INSYN2B: variants seen among roughly 807,000 people sequenced by gnomAD.
The protein encoded by INSYN2B is inhibitory synaptic factor family member 2B.
Under a neutral mutation model 41.2 loss-of-function variants are expected in INSYN2B, and 16 were observed. That is an observed-to-expected ratio of 0.39 (90% CI 0.26 to 0.59). The LOEUF is 0.59. Among genes scored for constraint, INSYN2B ranks in the 20% least tolerant of loss-of-function variants. The pLI, the probability that INSYN2B is intolerant of heterozygous loss-of-function variation, is 0.57. For synonymous variants in INSYN2B, 245 were observed against 244.4 expected, an observed-to-expected ratio of 1.00 and a Z score of -0.02; for missense variants, 608 against 646.4, an observed-to-expected ratio of 0.94 and a Z score of 0.64.
In INSYN2B at chr5:169,864,117, GC is replaced by G; in HGVS notation, c.*155del. 1 of 671,830 alleles carries G rather than the reference GC, an allele frequency of 1.5e-6. No homozygotes were observed. The highest frequency in any genetic ancestry group is 2.5e-6 in the Non-Finnish European group (1 of 397,962). The allele number at this position is 671,830 out of a possible 1,614,324, so 41.6% of individuals were successfully genotyped here. A position where few individuals can be genotyped will look rare whatever the true frequency, so the allele number is the denominator to read the frequency against. On this transcript the variant is annotated 3_prime_UTR_variant, in exon 4 of 4. Coordinates refer to ENST00000377365, the MANE Select transcript of INSYN2B (RefSeq NM_001129891.3). Reference sequence around the variant, plus strand: ...AAGGATCGTGGTCAGGTGTCCAGCAGCGGCTACATCAGCTCCAAGGCTCTTC... The same window carrying G: ...AAGGATCGTGGTCAGGTGTCCAGCAGGGCTACATCAGCTCCAAGGCTCTTC...
intron 1 of INSYN2B, among the ~76,000 whole-genome samples, chr5:169,935,621 A>G (rs1329570719): frequency 6.6e-6 from 1 of 152,192 alleles, no homozygotes; most frequent in African/African-American, 2.4e-5. Flanking sequence ...CTTTGCGGTG[A>G]AATGAAGGTC....
intron 1 of INSYN2B, among the ~76,000 whole-genome samples, chr5:169,955,519 G>C (rs1357842101): frequency 6.6e-6 from 1 of 152,150 alleles, no homozygotes; most frequent in Non-Finnish European, 1.5e-5. Context: ...CCTTTGAATT[G>C]GATGAAATGT....
chr5:169,890,204 C>A (rs1433084354), intron 1 of INSYN2B, among the ~76,000 whole-genome samples: 1 of 152,206 alleles, frequency 6.6e-6, no homozygotes, highest in Non-Finnish European at 1.5e-5. Context: ...CATCTAATTA[C>A]TTTATGTGTT....
rs70979150 is a variant in INSYN2B, at chr5:169,961,978, C to CAAAAAAAAAAAAAAAAAAAA, written c.-919+18298_-919+18299insTTTTTTTTTTTTTTTTTTTT. 3.0e-3 allele frequency among the ~76,000 whole-genome samples: 227 copies of CAAAAAAAAAAAAAAAAAAAA among 74,596 alleles called. 66 individuals carry two copies. The highest frequency in any genetic ancestry group is 7.9e-3 in the Middle Eastern group (1 of 126). 48.9% of individuals were successfully genotyped at this position (74,596 alleles called of 152,430 possible). A position where few individuals can be genotyped will look rare whatever the true frequency, so the allele number is the denominator to read the frequency against. ...TGGGTGAAAAAGTGAGACTCTGTCC[C>CAAAAAAAAAAAAAAAAAAAA]AAAAAAAAAAAAAAAAATGGAGAAA... On this transcript the variant is annotated intron_variant, in intron 1 of 3. Coordinates refer to ENST00000377365, the MANE Select transcript of INSYN2B (RefSeq NM_001129891.3).
At chr5:169,896,944 C>T (rs1773646053) in intron 1 of INSYN2B, among the ~76,000 whole-genome samples, 1 of 152,176 alleles carries the variant, frequency 6.6e-6, no homozygotes, top group Admixed American at 6.5e-5. Flanking sequence ...ACGTGAGCTT[C>T]CTAGTAAACC....
chr5:169,929,488 G>C (rs1775637335), intron 1 of INSYN2B, among the ~76,000 whole-genome samples: 1 of 152,136 alleles, frequency 6.6e-6, no homozygotes, highest in Admixed American at 6.5e-5. Context: ...TGTCATCCCA[G>C]CACTTTGGAA....
intron 1 of INSYN2B, among the ~76,000 whole-genome samples, chr5:169,922,514 A>G (rs1231615494): frequency 6.6e-6 from 1 of 152,214 alleles, no homozygotes; most frequent in African/African-American, 2.4e-5. Flanking sequence ...AGTAAAGTAG[A>G]TCTTGGCCAT....
intron 1 of INSYN2B, among the ~76,000 whole-genome samples, chr5:169,942,011 A>G (rs1344594656): frequency 6.6e-6 from 1 of 152,218 alleles, no homozygotes; most frequent in Non-Finnish European, 1.5e-5. Context: ...CTGTAGTTGC[A>G]AAATAACAAT....
Position 169,863,179 on chromosome 5 carries a change from G to A in INSYN2B, c.*1094C>T, listed in dbSNP as rs1038952723. Among the ~76,000 whole-genome samples, 2 of 152,210 alleles carry A rather than the reference G, an allele frequency of 1.3e-5. No homozygotes were observed. The highest frequency in any genetic ancestry group is 1.3e-4 in the Admixed American group (2 of 15,276). The stretch of plus-strand genomic sequence containing the variant: ...AATAACTCAGACTTTGGGATGGAAA[G>A]ATATTTAAACCTCAAATAGAAAAAA... On this transcript the variant is annotated 3_prime_UTR_variant, in exon 4 of 4. Transcript: ENST00000377365.
chr5:169,910,718 G>A (rs1252168790), intron 1 of INSYN2B, among the ~76,000 whole-genome samples: 1 of 152,224 alleles, frequency 6.6e-6, no homozygotes, highest in Non-Finnish European at 1.5e-5. Context: ...CAGAGAGGCA[G>A]TTTCTAATGG....
intron 1 of INSYN2B, among the ~76,000 whole-genome samples, chr5:169,962,256 G>A (rs1777120096): frequency 6.6e-6 from 1 of 152,158 alleles, no homozygotes; most frequent in Admixed American, 6.5e-5. Context: ...AGACATCGTG[G>A]TGGACTGACC....
At chr5:169,896,938 G>T (rs148728302) in intron 1 of INSYN2B, among the ~76,000 whole-genome samples, 42 of 152,282 alleles carry the variant, frequency 2.8e-4, no homozygotes, top group African/African-American at 9.9e-4. Flanking sequence ...ACTTTGACGT[G>T]AGCTTCCTAG....
intron 1 of INSYN2B, chr5:169,934,676 C>T: frequency 2.2e-6 from 1 of 456,236 alleles, no homozygotes; most frequent in Non-Finnish European, 4.4e-6. Flanking sequence ...TAGGACTGAA[C>T]CGATTGGGTG....
intron 1 of INSYN2B, among the ~76,000 whole-genome samples, chr5:169,910,295 T>C (rs1265673968): frequency 6.6e-6 from 1 of 152,192 alleles, no homozygotes; most frequent in Non-Finnish European, 1.5e-5. Flanking sequence ...TACCACCGCA[T>C]GGAATATGTA....
chr5:169,903,543 C>T (rs113714072), intron 1 of INSYN2B, among the ~76,000 whole-genome samples: 25 of 132,902 alleles, frequency 1.9e-4, no homozygotes, highest in African/African-American at 6.6e-4. Context: ...GGGCAGGGGG[C>T]GTTCGGGTGG....
At chr5:169,880,050 AT>A (rs748592124) in intron 3 of INSYN2B, among the ~76,000 whole-genome samples, 12 of 152,118 alleles carry the variant, frequency 7.9e-5, no homozygotes, top group Non-Finnish European at 1.6e-4. Context: ...TGATTAGAAA[AT>A]TTGTTCAAGT....
chr5:169,886,783 T>C (rs573701067), intron 1 of INSYN2B, among the ~76,000 whole-genome samples: 2 of 152,150 alleles, frequency 1.3e-5, no homozygotes, highest in African/African-American at 2.4e-5. Context: ...CCTTGACTAA[T>C]TGTTTTTTGC....
At chr5:169,872,482 T>C (rs1772041817) in intron 3 of INSYN2B, among the ~76,000 whole-genome samples, 1 of 152,216 alleles carries the variant, frequency 6.6e-6, no homozygotes, top group South Asian at 2.1e-4. Context: ...TTGCAGCTAT[T>C]TCAAATTGGC....
intron 1 of INSYN2B, among the ~76,000 whole-genome samples, chr5:169,914,748 G>T (rs1043351326): frequency 1.3e-5 from 2 of 152,092 alleles, no homozygotes; most frequent in African/African-American, 2.4e-5. Context: ...GGTGGGGCAG[G>T]GTCTTTTAGC....
Sources: gnomAD v4.1 joint callset for allele counts (sites outside exome capture counted in the v4.1 genomes callset) on GRCh38, gnomAD v4.1.1 for gene constraint, MANE v1.5 for transcripts, NCBI Gene and HGNC (gene_info 2026-07-23, HGNC 2026-07-21) for gene names.